The following AKIRIN1 variants were observed in gnomAD, a reference collection of about 807,000 sequenced individuals.
AKIRIN1 encodes akirin-1.
Under a neutral mutation model 25.9 loss-of-function variants are expected in AKIRIN1, and 4 were observed. The ratio of observed to expected loss-of-function variants is 0.15; its 90% confidence interval spans 0.08 to 0.35. The LOEUF (loss-of-function observed/expected upper bound fraction) is 0.35. Ranked by LOEUF, AKIRIN1 falls within the 10% of genes least tolerant of loss-of-function variation. The pLI is 1.00. For missense variants in AKIRIN1, 243 were observed against 266.1 expected, an observed-to-expected ratio of 0.91 and a Z score of 0.61; for synonymous variants, 125 against 105.1, an observed-to-expected ratio of 1.19 and a Z score of -1.16.
chr1:38,999,382 T>TC (rs1321894655), intron 2 of AKIRIN1, among the ~76,000 whole-genome samples: 2 of 152,230 alleles, frequency 1.3e-5, no homozygotes, highest in Non-Finnish European at 2.9e-5. Context: ...ATGGAAGTGT[T>TC]CTGGAACTAG....
At chr1:38,999,970 C>G (rs992807667) in intron 2 of AKIRIN1, among the ~76,000 whole-genome samples, 1 of 152,034 alleles carries the variant, frequency 6.6e-6, no homozygotes, top group Non-Finnish European at 1.5e-5. Context: ...GGAACCTTCA[C>G]CTCCCAGGTT....
At chr1:39,001,284 T>C (rs1342045091) in intron 3 of AKIRIN1, among the ~76,000 whole-genome samples, 178 bp downstream of exon 3, 3 of 65,270 alleles carry the variant, frequency 4.6e-5, no homozygotes, top group African/African-American at 8.1e-5. Context: ...ATGGAAGGAC[T>C]TTTTTTTTTT....
At chr1:38,992,043 G>A (rs1304581628) in intron 1 of AKIRIN1, among the ~76,000 whole-genome samples, 4 of 152,160 alleles carry the variant, frequency 2.6e-5, no homozygotes, top group Admixed American at 6.5e-5. Flanking sequence ...GCGCGAGTGC[G>A]TGCTGTTTAG....
chr1:38,996,670 C>T (rs1024664835), intron 1 of AKIRIN1, among the ~76,000 whole-genome samples: 6 of 152,140 alleles, frequency 3.9e-5, no homozygotes, highest in African/African-American at 1.4e-4. Context: ...GCTGGGACTA[C>T]AGGCACGTGC....
chr1:38,998,658 C>T (rs1036967488), intron 2 of AKIRIN1, among the ~76,000 whole-genome samples: 6 of 152,042 alleles, frequency 3.9e-5, no homozygotes, highest in African/African-American at 1.4e-4. Flanking sequence ...AATCCTAGCA[C>T]TTTGGGAGGC....
intron 1 of AKIRIN1, among the ~76,000 whole-genome samples, chr1:38,996,925 C>G (rs12145908): frequency 0.35 from 53,597 of 152,062 alleles, 9,966 homozygotes; most frequent in Non-Finnish European, 0.39. Context: ...GAATTCATGT[C>G]AGTTCCTGGA....
intron 1 of AKIRIN1, among the ~76,000 whole-genome samples, chr1:38,994,453 T>C (rs1000827724): frequency 6.6e-6 from 1 of 152,188 alleles, no homozygotes; most frequent in Non-Finnish European, 1.5e-5. Context: ...ATTAACTGAT[T>C]ATGACTTGAG....
chr1:38,995,385 T>C (rs751736594), intron 1 of AKIRIN1, among the ~76,000 whole-genome samples: 1 of 152,126 alleles, frequency 6.6e-6, no homozygotes, highest in South Asian at 2.1e-4. Context: ...CCGGAAAAAA[T>C]CTGGCAGCAC....
At chr1:38,997,024 G>T (rs773568721) in intron 1 of AKIRIN1, among the ~76,000 whole-genome samples, 10 of 151,610 alleles carry the variant, frequency 6.6e-5, no homozygotes, top group Non-Finnish European at 1.2e-4. Flanking sequence ...TTACATTGAA[G>T]AAGTAAAGAT....
At chr1:39,001,199 A>G (rs908419410) in intron 3 of AKIRIN1, 93 bp downstream of exon 3, 1 of 1,432,282 alleles carries the variant, frequency 7.0e-7, no homozygotes, top group Non-Finnish European at 9.4e-7. Flanking sequence ...GTAGGACCTC[A>G]TGCAAGGGAG....
intron 1 of AKIRIN1, 77 bp downstream of exon 1, chr1:38,991,677 G>GGGGGCA: frequency 1.0e-5 from 2 of 192,410 alleles, no homozygotes; most frequent in Non-Finnish European, 2.2e-5. Context: ...GGAGGGTTGG[G>GGGGGCA]AATACCAGGC....
At chr1:39,002,587 G>A (rs546978140) in intron 3 of AKIRIN1, among the ~76,000 whole-genome samples, 4 of 152,174 alleles carry the variant, frequency 2.6e-5, no homozygotes, top group East Asian at 1.9e-4. Flanking sequence ...AAAATTAGCC[G>A]GGCATGGTGG....
At chr1:38,999,834 C>T (rs1030864189) in intron 2 of AKIRIN1, among the ~76,000 whole-genome samples, 2 of 152,020 alleles carry the variant, frequency 1.3e-5, no homozygotes, top group Non-Finnish European at 2.9e-5. Flanking sequence ...AACAGGGCTG[C>T]TGCCCATGTT....
intron 1 of AKIRIN1, among the ~76,000 whole-genome samples, chr1:38,996,720 G>A (rs1643951022): frequency 6.6e-6 from 1 of 151,416 alleles, no homozygotes; most frequent in African/African-American, 2.4e-5. Flanking sequence ...TAGTAGAGAC[G>A]GTGTTTCACC....
At position 38,991,520 on chromosome 1, in the gene AKIRIN1, C is replaced by G. The variant is rs1395963406; in HGVS notation, c.140C>G (p.Pro47Arg). ...AGGCCCCCGGACGCCGAGCCGCCGC[C>G]GCCGTTTCAGACGCAGACCCCACCG... is the stretch of plus-strand genomic sequence containing the variant. The part of the protein sequence containing the change: ...GLRPPDAEPP[P>R]PFQTQTPPQS... Residue 47 changes from proline to arginine, a missense_variant, in exon 1 of 5, where the codon CCG becomes CGG. By Grantham distance (103) the Pro-to-Arg change is moderately radical. This residue lies in a region of AKIRIN1 where 190 missense variants were observed against 174.4 expected (regional missense o/e 1.09). Transcript: ENST00000432648. The G allele has an allele frequency of 2.1e-6, 3 of 1,458,362 alleles. No homozygotes were observed. In the East Asian group the frequency reaches 9.0e-5, roughly 44 times the overall value. 90.3% of individuals were successfully genotyped at this position (1,458,362 alleles called of 1,614,324 possible). A position where few individuals can be genotyped will look rare whatever the true frequency, so the allele number is the denominator to read the frequency against.
chr1:39,004,058 CTTTGTCACAT>C lies in AKIRIN1; in HGVS notation c.*4_*13del, dbSNP rs1469086107. ...CTTAATTTACAGATGTGTCATGAAG[CTTTGTCACAT>C]ATCTGGGTACCAGGTTTGACCTCAA... On this transcript the variant is annotated 3_prime_UTR_variant, in exon 5 of 5. Transcript: ENST00000432648. The C allele has an allele frequency of 6.2e-7, 1 of 1,611,306 alleles. No homozygotes were observed. The highest frequency in any genetic ancestry group is 8.5e-7 in the Non-Finnish European group (1 of 1,177,596).
At position 38,998,260 on chromosome 1, in the gene AKIRIN1, G is replaced by A; in HGVS notation, c.310G>A (p.Ala104Thr). The change falls in exon 2 of 5, where the codon GCT becomes ACT. Residue 104 changes from alanine (A) to threonine (T), a missense_variant. Physicochemically the swap from Ala to Thr is moderately conservative, Grantham distance 58. This residue lies in a region of AKIRIN1 where 190 missense variants were observed against 174.4 expected (regional missense o/e 1.09). Coordinates refer to ENST00000432648, the MANE Select transcript of AKIRIN1 (RefSeq NM_024595.3). Reference protein sequence around the residue: ...EVVLNQSEACASESQPHSSAL... With the variant: ...EVVLNQSEACTSESQPHSSAL... ...TGTTCTTAATCAGAGTGAAGCTTGT[G>A]CTTCGGAAAGTCAACCTCACTCCTC... 2 of 1,613,934 alleles carry A rather than the reference G, an allele frequency of 1.2e-6. No individual in the cohort carries two copies. Among genetic ancestry groups the A allele is most frequent in the Non-Finnish European group, 1.7e-6 (2 of 1,179,888 alleles).
chr1:39,000,940 C>T (rs1570975868), intron 2 of AKIRIN1, 32 bp from the exon 3 acceptor site: 2 of 1,597,148 alleles, frequency 1.3e-6, no homozygotes, highest in African/African-American at 1.3e-5. Context: ...AACCACCGCA[C>T]CTGGCCCAAA....
intron 3 of AKIRIN1, among the ~76,000 whole-genome samples, chr1:39,001,901 A>G (rs1046672966): frequency 6.6e-6 from 1 of 152,168 alleles, no homozygotes; most frequent in Admixed American, 6.5e-5. Flanking sequence ...TTAAGAAGTC[A>G]TAGTTATGGA....
Sources: allele counts gnomAD v4.1 joint callset (sites outside exome capture counted in the v4.1 genomes callset), GRCh38; gene constraint gnomAD v4.1.1; regional missense constraint gnomAD v4.1.1; transcripts MANE v1.5; gene names NCBI Gene and HGNC (gene_info 2026-07-23, HGNC 2026-07-21).